Variants in FSD1L observed in about 807,000 individuals in gnomAD.
FSD1L encodes fibronectin type III and SPRY domain containing 1 like.
FSD1L carries 45 observed loss-of-function variants against 71.6 expected under a neutral mutation model. That is an observed-to-expected ratio of 0.63 (90% confidence interval 0.49 to 0.81). The LOEUF (loss-of-function observed/expected upper bound fraction) is 0.81, where lower values mean the gene tolerates loss of function less well. FSD1L is among the 30% of genes least tolerant of loss of function. The probability of loss-of-function intolerance (pLI) is 0.00; values close to 1 mark genes in which losing one functional copy is unlikely to be tolerated. For missense variants in FSD1L, 561 were observed against 618.1 expected (o/e 0.91, Z 0.98); for synonymous variants, 197 against 207.2 (o/e 0.95, Z 0.42).
At chr9:105,451,160 C>G (rs1024291210) in intron 1 of FSD1L, among the ~76,000 whole-genome samples, 2 of 152,122 alleles carry the variant, frequency 1.3e-5, no homozygotes, top group African/African-American at 4.8e-5. Flanking sequence ...GGGGTTTCAT[C>G]ATGTTAGCCA....
chr9:105,476,835 T>C (rs1452842302), intron 5 of FSD1L, among the ~76,000 whole-genome samples: 1 of 152,202 alleles, frequency 6.6e-6, no homozygotes, highest in Non-Finnish European at 1.5e-5. Flanking sequence ...AAGAAATATC[T>C]TCAGAATTTG....
intron 10 of FSD1L, chr9:105,530,681 G>T: frequency 1.7e-6 from 1 of 582,116 alleles, no homozygotes; most frequent in South Asian, 2.1e-5. Context: ...CAGACACTCT[G>T]ACCACCAGTT....
rs138897836 is a variant in FSD1L, at chr9:105,499,823, C to T, written c.587-6576C>T. 3.8e-3 allele frequency among the ~76,000 whole-genome samples: 575 copies of T among 152,006 alleles called. 7 individuals carry two copies. The highest frequency in any genetic ancestry group is 0.013 in the African/African-American group (543 of 41,462). ...GTAATTTCCATTATACATATTTACT[C>T]CTTTCGTACTTCCACAGTAAATTTT... is the stretch of plus-strand genomic sequence containing the variant. On this transcript the variant is annotated intron_variant, in intron 7 of 13. Coordinates refer to ENST00000481272, the MANE Select transcript of FSD1L (RefSeq NM_001145313.3).
At chr9:105,517,622 G>C (rs534295825) in intron 10 of FSD1L, among the ~76,000 whole-genome samples, 1 of 152,312 alleles carries the variant, frequency 6.6e-6, no homozygotes, top group South Asian at 2.1e-4. Flanking sequence ...GAGAGATTTT[G>C]TCAGCACCAG....
intron 10 of FSD1L, chr9:105,520,419 C>G: frequency 9.2e-7 from 1 of 1,085,186 alleles, no homozygotes; most frequent in Middle Eastern, 2.8e-4. Flanking sequence ...TACATATATA[C>G]TATGTGTTCT....
At chr9:105,469,287 A>G (rs533959306) in intron 4 of FSD1L, among the ~76,000 whole-genome samples, 27 of 152,268 alleles carry the variant, frequency 1.8e-4, no homozygotes, top group African/African-American at 6.3e-4. Flanking sequence ...GTATACTTCA[A>G]AGTAGGATTG....
chr9:105,478,503 T>C (rs1355672918), intron 5 of FSD1L, among the ~76,000 whole-genome samples: 1 of 152,196 alleles, frequency 6.6e-6, no homozygotes, highest in Non-Finnish European at 1.5e-5. Flanking sequence ...CTATGTCTGA[T>C]ATATTGTTAA....
intron 9 of FSD1L, among the ~76,000 whole-genome samples, chr9:105,512,189 G>T (rs1404746559): frequency 6.7e-6 from 1 of 149,580 alleles, no homozygotes; most frequent in East Asian, 2.0e-4. Flanking sequence ...AAATAATCTG[G>T]AAGTCATAGT....
chr9:105,447,018 C>A (rs1426009149), upstream of FSD1L, among the ~76,000 whole-genome samples: 1 of 152,060 alleles, frequency 6.6e-6, no homozygotes, highest in Non-Finnish European at 1.5e-5. Context: ...TAACTCCCCA[C>A]TAAGAATGAC....
chr9:105,464,185 T>C, intron 2 of FSD1L, 51 bp from the exon 3 acceptor site: 1 of 942,478 alleles, frequency 1.1e-6, no homozygotes, highest in South Asian at 1.5e-5. Context: ...TTAATGAGTT[T>C]TGTAACTCTT....
At chr9:105,543,643 T>C (rs1589117903) in intron 13 of FSD1L, among the ~76,000 whole-genome samples, 1 of 152,048 alleles carries the variant, frequency 6.6e-6, no homozygotes, top group Non-Finnish European at 1.5e-5. Context: ...TCCATGTGTT[T>C]TCATTGTTCA....
chr9:105,485,011 A>G (rs753925097), intron 7 of FSD1L, among the ~76,000 whole-genome samples: 1 of 152,162 alleles, frequency 6.6e-6, no homozygotes, highest in Non-Finnish European at 1.5e-5. Flanking sequence ...GCTCAGATGG[A>G]ACTTTATCTT....
chr9:105,526,186 A>T (rs1164637050), intron 10 of FSD1L: 1 of 1,592,872 alleles, frequency 6.3e-7, no homozygotes, highest in African/African-American at 1.3e-5. Context: ...TATAAATGCA[A>T]GCCGTGCTCT....
At chr9:105,461,485 C>A in intron 1 of FSD1L, 35 bp from the exon 2 acceptor site, 2 of 1,057,454 alleles carry the variant, frequency 1.9e-6, no homozygotes, top group Non-Finnish European at 2.7e-6. Flanking sequence ...TTTGATGTGG[C>A]TGCTATTGGC....
intron 7 of FSD1L, among the ~76,000 whole-genome samples, chr9:105,496,100 T>G (rs563583679): frequency 1.3e-5 from 2 of 152,200 alleles, no homozygotes; most frequent in South Asian, 2.1e-4. Context: ...TTAATTCTAA[T>G]AATGTTTAGC....
chr9:105,476,013 A>G (rs1360089), intron 5 of FSD1L, among the ~76,000 whole-genome samples: 103,187 of 151,950 alleles, frequency 0.68, 35,398 homozygotes, highest in African/African-American at 0.76. Flanking sequence ...TGATATTAAA[A>G]AAAGATAGAA....
intron 10 of FSD1L, chr9:105,524,494 C>T (rs940139941): frequency 2.6e-5 from 42 of 1,613,494 alleles, no homozygotes; most frequent in East Asian, 2.0e-4. Flanking sequence ...TTTCATGCTA[C>T]GGGAGCAGAA....
chr9:105,511,743 G>C (rs529617260), intron 9 of FSD1L, among the ~76,000 whole-genome samples: 2 of 152,162 alleles, frequency 1.3e-5, no homozygotes, highest in Non-Finnish European at 2.9e-5. Context: ...AGAACAGTAG[G>C]GGATAAAAGG....
intron 10 of FSD1L, chr9:105,520,919 A>G: frequency 6.2e-7 from 1 of 1,612,158 alleles, no homozygotes; most frequent in East Asian, 2.2e-5. Flanking sequence ...TCATTCAGGT[A>G]AAAAGTTTAG....
Sources: allele counts gnomAD v4.1 joint callset (sites outside exome capture counted in the v4.1 genomes callset), GRCh38; gene constraint gnomAD v4.1.1; transcripts MANE v1.5; gene names NCBI Gene and HGNC (gene_info 2026-07-23, HGNC 2026-07-21).